GINM1: variants seen among roughly 807,000 people sequenced by gnomAD.
The protein encoded by GINM1 is glycoprotein integral membrane protein 1.
GINM1 carries 29 observed loss-of-function variants against 37.8 expected under a neutral mutation model. The observed-to-expected ratio is 0.77, with a 90% confidence interval of 0.57 to 1.05. The LOEUF (loss-of-function observed/expected upper bound fraction) is 1.05, where lower values mean the gene tolerates loss of function less well. GINM1 is among the 50% of genes least tolerant of loss of function. GINM1 has a pLI of 0.00. For synonymous variants in GINM1, 143 were observed against 146.2 expected (o/e 0.98, Z 0.16); for missense variants, 377 against 397.9 (o/e 0.95, Z 0.45).
intron 3 of GINM1, chr6:149,578,044 A>C (rs915284928): frequency 6.6e-6 from 1 of 152,176 alleles, no homozygotes; most frequent in Non-Finnish European, 1.5e-5. Context: ...GTAATGAGTC[A>C]CTAATCGGGG....
intron 3 of GINM1, among the ~76,000 whole-genome samples, chr6:149,575,851 A>C (rs34520031): frequency 1.3e-5 from 2 of 152,196 alleles, no homozygotes; most frequent in African/African-American, 4.8e-5. Context: ...TCTTATGGCC[A>C]TCTTTTAGTC....
rs377159605 is a variant in GINM1 at position 149,590,689 on chromosome 6, A to G, written c.882-38A>G. The G allele has an allele frequency of 4.6e-6, 5 of 1,076,282 alleles. No individual in the cohort carries two copies. In the African/African-American group the frequency reaches 6.3e-5, roughly 13 times the overall value. 66.7% of individuals were successfully genotyped at this position (1,076,282 alleles called of 1,614,324 possible). On this transcript the variant is annotated intron_variant, in intron 7 of 7. Transcript: ENST00000367419. ...CTATCAAACTACAGGCAGAGGAAAC[A>G]TTTAATTTTGATAGTAATTAATCAC...
At chr6:149,588,615 C>CT (rs1234746073) in intron 7 of GINM1, among the ~76,000 whole-genome samples, 1 of 151,902 alleles carries the variant, frequency 6.6e-6, no homozygotes, top group African/African-American at 2.4e-5. Context: ...AATTATGGGG[C>CT]TTTTTTTGTT....
At chr6:149,582,343 A>T in intron 6 of GINM1, 97 bp from the exon 7 acceptor site, 1 of 1,043,382 alleles carries the variant, frequency 9.6e-7, no homozygotes, top group Non-Finnish European at 1.4e-6. Context: ...AAAATATAGA[A>T]TATTTTTATC....
intron 1 of GINM1, among the ~76,000 whole-genome samples, chr6:149,570,177 T>C (rs1297769428): frequency 1.1e-5 from 1 of 87,902 alleles, no homozygotes; most frequent in Non-Finnish European, 2.4e-5. Flanking sequence ...TATATATATA[T>C]ATATATATAT....
chr6:149,574,619 G>C (rs996868926), intron 3 of GINM1, among the ~76,000 whole-genome samples: 1 of 152,116 alleles, frequency 6.6e-6, no homozygotes, highest in Non-Finnish European at 1.5e-5. Flanking sequence ...GCTGGGCATG[G>C]TTGCTCATGC....
rs1014300302 is a variant in GINM1 at position 149,566,780 on chromosome 6, G to T, written c.120+246G>T. ...TCGAGCCACTCCACACCGACTCTCCGGCGGCCCAAGCCGGCGCGCGACCTG... is the reference window on the plus strand; with the variant it reads ...TCGAGCCACTCCACACCGACTCTCCTGCGGCCCAAGCCGGCGCGCGACCTG... On this transcript the variant is annotated intron_variant, in intron 1 of 7. Transcript: ENST00000367419. This position sits in a 1 kb window ranked among gnomAD's most constrained non-coding sequence, Gnocchi z 4.4. Among the ~76,000 whole-genome samples the T allele has an allele frequency of 6.6e-5, 10 of 152,234 alleles. No individual in the cohort carries two copies. The highest frequency in any genetic ancestry group is 2.0e-4 in the Admixed American group (3 of 15,288).
At chr6:149,572,231 G>C in intron 1 of GINM1, 54 bp from the exon 2 acceptor site, 2 of 1,029,676 alleles carry the variant, frequency 1.9e-6, no homozygotes, top group Non-Finnish European at 3.0e-6. Flanking sequence ...AAGCCACGTT[G>C]TTCTCAATCT....
At chr6:149,576,059 A>G (rs1777909875) in intron 3 of GINM1, 1 of 152,182 alleles carries the variant, frequency 6.6e-6, no homozygotes, top group African/African-American at 2.4e-5. Flanking sequence ...CAGTGGCCTA[A>G]GACAATATTT....
intron 3 of GINM1, among the ~76,000 whole-genome samples, chr6:149,573,516 G>T (rs928717203): frequency 6.6e-6 from 1 of 152,018 alleles, no homozygotes; most frequent in Non-Finnish European, 1.5e-5. Context: ...GCTGCTTCTC[G>T]CATATTCACT....
rs745626953 is a variant in GINM1 at position 149,566,422 on chromosome 6, G to A, written c.8G>A (p.Gly3Asp). The change falls in exon 1 of 8, where the codon GGC becomes GAC. Residue 3 changes from glycine to aspartate, a missense_variant. Gly to Asp is a moderately conservative substitution (Grantham distance 94, BLOSUM62 -1). Coordinates refer to ENST00000367419, the MANE Select transcript of GINM1 (RefSeq NM_138785.5). This position sits in a 1 kb window ranked among gnomAD's most constrained non-coding sequence, Gnocchi z 4.4. Reference sequence around the variant, plus strand: ...CTGCCCGGGTTGTCCAAGATGGAGGGCGCTCCACCGGGGTCGCTCGCCCTC... The same window carrying A: ...CTGCCCGGGTTGTCCAAGATGGAGGACGCTCCACCGGGGTCGCTCGCCCTC... Reference protein sequence around the residue: MEGAPPGSLALRL... With the variant: MEDAPPGSLALRL... 2 of 1,569,594 alleles carry A rather than the reference G, an allele frequency of 1.3e-6. No homozygotes were observed. Among genetic ancestry groups the A allele is most frequent in the Non-Finnish European group, 1.7e-6 (2 of 1,168,594 alleles).
At chr6:149,579,471 A>ACCTTGG in intron 4 of GINM1, among the ~76,000 whole-genome samples, 1 of 152,108 alleles carries the variant, frequency 6.6e-6, no homozygotes, top group African/African-American at 2.4e-5. Flanking sequence ...TGGACGAATC[A>ACCTTGG]CCTGAGGTCA....
At position 149,582,467 on chromosome 6, in the gene GINM1, A is replaced by T; in HGVS notation, c.745A>T (p.Arg249Ter). ...AATGTGTCAGTGGATGGAAAAGTTT[A>T]GAAAAGATCTGTGTAGGTTCTGGAG... ...KVMCQWMEKF[R>*]KDLCRFWSNV... The change falls in exon 7 of 8, where the codon AGA (arginine) becomes TGA (stop). Residue 249 changes from arginine (R) to a stop codon, truncating the protein, a stop_gained. Coordinates refer to ENST00000367419, the MANE Select transcript of GINM1 (RefSeq NM_138785.5). LOFTEE classifies it high-confidence loss of function. The T allele has an allele frequency of 2.5e-6, 4 of 1,607,638 alleles. No homozygotes were observed. The highest frequency in any genetic ancestry group is 3.4e-6 in the Non-Finnish European group (4 of 1,178,740).
chr6:149,584,096 C>T lies in GINM1; in HGVS notation c.881+1493C>T, dbSNP rs1051327304. Among the ~76,000 whole-genome samples, 11 of 152,218 alleles carry T rather than the reference C, an allele frequency of 7.2e-5. No homozygotes were observed. In the South Asian group the frequency reaches 2.1e-3, roughly 29 times the overall value. On this transcript the variant is annotated intron_variant, in intron 7 of 7. Coordinates refer to ENST00000367419, the MANE Select transcript of GINM1 (RefSeq NM_138785.5). ...GTTCAAGCGATTCTCCTGCCTCAGC[C>T]TCCCGAGTAGCTGGGATTACAGGCA... is the stretch of plus-strand genomic sequence containing the variant.
Position 149,579,898 on chromosome 6 carries a change from C to G in GINM1, c.494C>G (p.Ser165Ter). ...AAGAACCGGGGAGTACTCAGACATT[C>G]AAACTATACCCTCCCTTTGGAAGAA... ...LVKNRGVLRH[S>*]NYTLPLEESM... The change falls in exon 5 of 8, where the codon TCA (serine) becomes TGA (stop). Residue 165 changes from serine (S) to a stop codon, truncating the protein, a stop_gained. Transcript: ENST00000367419. LOFTEE classifies it high-confidence loss of function. 4.4e-6 allele frequency: 7 copies of G among 1,607,066 alleles called. No homozygotes were observed. Among genetic ancestry groups the G allele is most frequent in the Non-Finnish European group, 6.0e-6 (7 of 1,174,416 alleles).
At chr6:149,569,526 A>G (rs1777776875) in intron 1 of GINM1, among the ~76,000 whole-genome samples, 1 of 145,740 alleles carries the variant, frequency 6.9e-6, no homozygotes, top group Non-Finnish European at 1.5e-5. Context: ...TTTAGTAGAG[A>G]CGGGGTTTCA....
intron 3 of GINM1, among the ~76,000 whole-genome samples, chr6:149,573,817 C>T (rs1777867790): frequency 1.3e-5 from 2 of 150,460 alleles, no homozygotes; most frequent in South Asian, 2.1e-4. Context: ...AGAGTAAGAC[C>T]CTGGCTCAAA....
Position 149,566,654 on chromosome 6 carries a change from G to A in GINM1, c.120+120G>A, listed in dbSNP as rs1777723022. ...GGCAGGGGCGGGGGTCCGGGCCCCC[G>A]AAGGAGGTGTGGGGAGAAGCACCCC... is the stretch of plus-strand genomic sequence containing the variant. On this transcript the variant is annotated intron_variant, in intron 1 of 7. Coordinates refer to ENST00000367419, the MANE Select transcript of GINM1 (RefSeq NM_138785.5). This position sits in a 1 kb window ranked among gnomAD's most constrained non-coding sequence, Gnocchi z 4.4. The A allele has an allele frequency of 7.6e-7, 1 of 1,311,924 alleles. No individual in the cohort carries two copies. The highest frequency in any genetic ancestry group is 9.9e-7 in the Non-Finnish European group (1 of 1,010,380). The allele number at this position is 1,311,924 out of a possible 1,614,324, so 81.3% of individuals were successfully genotyped here.
Position 149,566,574 on chromosome 6 carries a change from G to T in GINM1, c.120+40G>T. 2 of 1,455,530 alleles carry T rather than the reference G, an allele frequency of 1.4e-6. No individual in the cohort carries two copies. Among genetic ancestry groups the T allele is most frequent in the South Asian group, 1.3e-5 (1 of 75,160 alleles). The allele number at this position is 1,455,530 out of a possible 1,614,324, so 90.2% of individuals were successfully genotyped here. On this transcript the variant is annotated intron_variant, in intron 1 of 7. Transcript: ENST00000367419. The surrounding 1 kb of genome is among the most constrained non-coding windows in gnomAD (Gnocchi z 4.4). ...GCCTGGCTGGCCGCTTTACGACTCC[G>T]ACTCTCCGGGAGGCCCGGGCTGTCC... is the stretch of plus-strand genomic sequence containing the variant.
Sources: allele counts gnomAD v4.1 joint callset (sites outside exome capture counted in the v4.1 genomes callset), GRCh38; gene constraint gnomAD v4.1.1; non-coding constraint Gnocchi (gnomAD v3.1); transcripts MANE v1.5; gene names NCBI Gene and HGNC (gene_info 2026-07-23, HGNC 2026-07-21).